Variants in CTSS observed in about 807,000 individuals in gnomAD.
The protein encoded by CTSS is cathepsin S.
A neutral mutation model predicts 39.9 loss-of-function variants in CTSS; 15 were observed. The observed-to-expected ratio is 0.38, with a 90% CI of 0.25 to 0.58. CTSS has a LOEUF of 0.58. Among genes scored for constraint, CTSS ranks in the 20% least tolerant of loss-of-function variants. The pLI is 0.70. For synonymous variants in CTSS, 126 were observed against 138.2 expected, an observed-to-expected ratio of 0.91 and a Z score of 0.62; for missense variants, 250 against 398.2, an observed-to-expected ratio of 0.63 and a Z score of 3.17.
intron 2 of CTSS, among the ~76,000 whole-genome samples, chr1:150,759,157 A>G (rs1198122043): frequency 6.6e-6 from 1 of 151,450 alleles, no homozygotes; most frequent in Non-Finnish European, 1.5e-5. Flanking sequence ...GGCATGAACC[A>G]TACACCCAGC....
At chr1:150,746,522 C>A (rs1652898488) in intron 7 of CTSS, among the ~76,000 whole-genome samples, 1 of 151,998 alleles carries the variant, frequency 6.6e-6, no homozygotes, top group African/African-American at 2.4e-5. Flanking sequence ...GGTAAATATA[C>A]AATTTAAATA....
At chr1:150,741,455 A>C (rs1030766996) in intron 7 of CTSS, among the ~76,000 whole-genome samples, 1 of 152,198 alleles carries the variant, frequency 6.6e-6, no homozygotes, top group Non-Finnish European at 1.5e-5. Flanking sequence ...ACCTATTGTT[A>C]GGCATTTTTG....
chr1:150,732,946 T>G lies in CTSS; in HGVS notation c.*100A>C. 1.2e-6 allele frequency: 1 copy of G among 862,632 alleles called. No individual in the cohort carries two copies. The highest frequency in any genetic ancestry group is 2.7e-5 in the East Asian group (1 of 37,194). The allele number at this position is 862,632 out of a possible 1,614,324, so 53.4% of individuals were successfully genotyped here. A position where few individuals can be genotyped will look rare whatever the true frequency, so the allele number is the denominator to read the frequency against. On this transcript the variant is annotated 3_prime_UTR_variant, in exon 8 of 8. Coordinates refer to ENST00000368985, the MANE Select transcript of CTSS (RefSeq NM_004079.5). Reference sequence around the variant, plus strand: ...TTCTAATTAGTACAGTAAATACACATTAATCATGACACAATTATTTCTTCT... The same window carrying G: ...TTCTAATTAGTACAGTAAATACACAGTAATCATGACACAATTATTTCTTCT...
intron 6 of CTSS, 75 bp downstream of exon 6, chr1:150,749,931 C>T (rs1459231220): frequency 1.5e-6 from 2 of 1,307,556 alleles, no homozygotes; most frequent in Non-Finnish European, 2.1e-6. Context: ...GAATTACAGG[C>T]ATGAACCACC....
intron 3 of CTSS, among the ~76,000 whole-genome samples, chr1:150,756,140 A>AAC (rs1398485206): frequency 6.6e-6 from 1 of 152,162 alleles, no homozygotes; most frequent in African/African-American, 2.4e-5. Flanking sequence ...CTAAAATACA[A>AAC]ACACACACAC....
intron 7 of CTSS, among the ~76,000 whole-genome samples, chr1:150,743,574 ATATAT>A (rs1288047641): frequency 4.7e-5 from 6 of 127,496 alleles, no homozygotes; most frequent in Non-Finnish European, 8.2e-5. Flanking sequence ...TGTATACATA[ATATAT>A]TATATATGTA....
Position 150,733,134 on chromosome 1 carries a change from T to G in CTSS, c.908A>C (p.Asn303Thr), listed in dbSNP as rs750373604. 4 of 1,611,682 alleles carry G rather than the reference T, an allele frequency of 2.5e-6. No individual in the cohort carries two copies. The African/African-American group carries it at 5.3e-5, about 22-fold the overall frequency. The change falls in exon 8 of 8, where the codon AAC becomes ACC. Residue 303 changes from asparagine (N) to threonine (T), a missense_variant. By Grantham distance (65) the Asn-to-Thr change is moderately conservative. Coordinates refer to ENST00000368985, the MANE Select transcript of CTSS (RefSeq NM_004079.5). Reference sequence around the variant, plus strand: ...CCGAATATATCCTTCTTCACCAAAGTTGTGGCCCCAGCTTTAGAAAAAGAA... The same window carrying G: ...CCGAATATATCCTTCTTCACCAAAGGTGTGGCCCCAGCTTTAGAAAAAGAA... ...YWLVKNSWGH[N>T]FGEEGYIRMA... is the part of the protein sequence containing the mutation.
At chr1:150,741,749 C>T (rs1044962171) in intron 7 of CTSS, among the ~76,000 whole-genome samples, 15 of 151,842 alleles carry the variant, frequency 9.9e-5, no homozygotes. Flanking sequence ...TTGGTGGGCA[C>T]CTGTAATCTC....
intron 7 of CTSS, among the ~76,000 whole-genome samples, chr1:150,746,703 G>A (rs985648668): frequency 6.6e-6 from 1 of 152,152 alleles, no homozygotes; most frequent in Non-Finnish European, 1.5e-5. Context: ...GATGTTCTAG[G>A]CAGAGGGAAC....
At chr1:150,753,808 G>C (rs1004540063) in intron 4 of CTSS, among the ~76,000 whole-genome samples, 2 of 151,960 alleles carry the variant, frequency 1.3e-5, no homozygotes, top group Non-Finnish European at 2.9e-5. Context: ...GAAAAAAAAA[G>C]TGGTGGTGTG....
intron 2 of CTSS, among the ~76,000 whole-genome samples, chr1:150,762,933 G>A (rs1489382196): frequency 6.6e-6 from 1 of 152,074 alleles, no homozygotes; most frequent in Non-Finnish European, 1.5e-5. Flanking sequence ...TATGTCCCAA[G>A]GAAGCGCAAT....
intron 5 of CTSS, 120 bp from the exon 6 acceptor site, chr1:150,750,291 G>C (rs1459640972): frequency 1.4e-6 from 1 of 696,060 alleles, no homozygotes; most frequent in Non-Finnish European, 2.3e-6. Flanking sequence ...TGTGTCTAAG[G>C]CTCCTTCCTT....
At chr1:150,743,641 T>TTATATATGTATATTATGTATACATAA (rs1571095902) in intron 7 of CTSS, among the ~76,000 whole-genome samples, 11 of 81,252 alleles carry the variant, frequency 1.4e-4, no homozygotes, top group East Asian at 4.6e-4. Flanking sequence ...ACATAATATA[T>TTATATATGTATATTATGTATACATAA]TATATATGTA....
chr1:150,751,917 G>A lies in CTSS; in HGVS notation c.491C>T (p.Ala164Val), dbSNP rs946440063. The change falls in exon 5 of 8, where the codon GCC (alanine) becomes GTC (valine). Residue 164 changes from alanine (A) to valine (V), a missense_variant. Physicochemically the swap from Ala to Val is moderately conservative, Grantham distance 64. Coordinates refer to ENST00000368985, the MANE Select transcript of CTSS (RefSeq NM_004079.5). ...LKTGKLVSLS[A>V]QNLVDCSTEK... ...AGTTGAGCAATCCACCAGGTTCTGG[G>A]CACTGAGAGACACCAGCTTTCCTGT... The A allele has an allele frequency of 1.2e-6, 2 of 1,614,062 alleles. No homozygotes were observed. Among genetic ancestry groups the A allele is most frequent in the Admixed American group, 3.3e-5 (2 of 59,990 alleles).
chr1:150,758,814 T>C (rs1048583511), intron 2 of CTSS, among the ~76,000 whole-genome samples: 18 of 151,154 alleles, frequency 1.2e-4, no homozygotes, highest in African/African-American at 4.1e-4. Flanking sequence ...CCTCCCAAAG[T>C]CCTGCGATTA....
intron 6 of CTSS, 78 bp downstream of exon 6, chr1:150,749,928 A>T (rs1302402200): frequency 9.6e-6 from 12 of 1,256,010 alleles, no homozygotes; most frequent in Non-Finnish European, 1.2e-5. Flanking sequence ...CTAGAATTAC[A>T]GGCATGAACC....
In CTSS at chr1:150,732,750, G is replaced by A. The variant is rs1449168822; in HGVS notation, c.*296C>T. 4.5e-6 allele frequency: 1 copy of A among 220,534 alleles called. No individual in the cohort carries two copies. Among genetic ancestry groups the A allele is most frequent in the Admixed American group, 5.6e-5 (1 of 17,984 alleles). The allele number at this position is 220,534 out of a possible 1,614,324, so 13.7% of individuals were successfully genotyped here. ...AGCCTCCCAAGTAGCTGGGATTACA[G>A]GCATGCACCACCGTGCTCGGCTAAT... On this transcript the variant is annotated 3_prime_UTR_variant, in exon 8 of 8. Coordinates refer to ENST00000368985, the MANE Select transcript of CTSS (RefSeq NM_004079.5).
intron 2 of CTSS, among the ~76,000 whole-genome samples, chr1:150,759,275 C>A (rs1324025673): frequency 6.6e-6 from 1 of 152,002 alleles, no homozygotes; most frequent in Non-Finnish European, 1.5e-5. Context: ...GGACTCAGGA[C>A]CTTTTCTCAT....
chr1:150,760,111 G>T (rs1653221662), intron 2 of CTSS, among the ~76,000 whole-genome samples: 1 of 152,084 alleles, frequency 6.6e-6, no homozygotes, highest in South Asian at 2.1e-4. Context: ...CATCCTGAGG[G>T]ACTGGAATTA....
Sources: gnomAD v4.1 joint callset for allele counts (sites outside exome capture counted in the v4.1 genomes callset) on GRCh38, gnomAD v4.1.1 for gene constraint, MANE v1.5 for transcripts, NCBI Gene and HGNC (gene_info 2026-07-23, HGNC 2026-07-21) for gene names.